Variants in PODXL2 observed in about 807,000 individuals in gnomAD.
The protein encoded by PODXL2 is podocalyxin-like protein 2.
A neutral mutation model predicts 53.4 loss-of-function variants in PODXL2; 17 were observed. The observed-to-expected ratio is 0.32, with a 90% CI of 0.22 to 0.48. The LOEUF is 0.48. Among genes scored for constraint, PODXL2 ranks in the 20% least tolerant of loss-of-function variants. The pLI, the probability that PODXL2 is intolerant of heterozygous loss-of-function variation, is 0.99. For synonymous variants in PODXL2, 311 were observed against 306.7 expected (o/e 1.01, Z -0.15); for missense variants, 673 against 760.0 (o/e 0.89, Z 1.35).
Position 127,651,876 on chromosome 3 carries a change from G to A in PODXL2, c.350-8502G>A, listed in dbSNP as rs541982870. ...AGAGGTGGGTGTGTGGCACACAGAGGCAAGTGGCCACCCAGAATTCCAGCC... is the reference window on the plus strand; with the variant it reads ...AGAGGTGGGTGTGTGGCACACAGAGACAAGTGGCCACCCAGAATTCCAGCC... On this transcript the variant is annotated intron_variant, in intron 2 of 7. Coordinates refer to ENST00000342480, the MANE Select transcript of PODXL2 (RefSeq NM_015720.4). 2.0e-5 allele frequency among the ~76,000 whole-genome samples: 3 copies of A among 152,342 alleles called. No individual in the cohort carries two copies. The East Asian group carries it at 5.8e-4, about 29-fold the overall frequency.
chr3:127,671,363 A>T, intron 6 of PODXL2, 71 bp from the exon 7 acceptor site: 1 of 1,471,872 alleles, frequency 6.8e-7, no homozygotes, highest in Non-Finnish European at 9.4e-7. Context: ...CCCGAGCCCA[A>T]TGCAACCACC....
intron 4 of PODXL2, among the ~76,000 whole-genome samples, chr3:127,663,329 G>A (rs986652002): frequency 6.6e-6 from 1 of 152,196 alleles, no homozygotes; most frequent in African/African-American, 2.4e-5. Context: ...TTGGCTTAGG[G>A]TTTGGCTCTT....
Position 127,672,309 on chromosome 3 carries a change from C to T in PODXL2, c.1647C>T (p.His549=), listed in dbSNP as rs1175303061. The change falls in exon 8 of 8, where the codon CAC becomes CAT. Residue 549 remains histidine (H), a synonymous_variant. Coordinates refer to ENST00000342480, the MANE Select transcript of PODXL2 (RefSeq NM_015720.4). ...EELRFVENGC[H]DNPTLDVASD... ...TGCGCTTCGTGGAGAACGGCTGCCA[C>T]GACAACCCCACGCTGGACGTGGCCA... is the stretch of plus-strand genomic sequence containing the variant. The T allele has an allele frequency of 1.3e-6, 2 of 1,549,102 alleles. 1 individual carries two copies.
At chr3:127,672,088 C>T (rs1451406371) in intron 7 of PODXL2, among the ~76,000 whole-genome samples, 180 bp from the exon 8 acceptor site, 3 of 152,226 alleles carry the variant, frequency 2.0e-5, no homozygotes, top group African/African-American at 4.8e-5. Flanking sequence ...CTTTGTAGTG[C>T]CAACGACTAG....
Position 127,670,550 on chromosome 3 carries a change from G to A in PODXL2, c.1426-884G>A, listed in dbSNP as rs538360189. 2.0e-5 allele frequency among the ~76,000 whole-genome samples: 3 copies of A among 152,334 alleles called. No homozygotes were observed. The East Asian group carries it at 5.8e-4, about 29-fold the overall frequency. ...TGCTGGGTCTTTGGAAATATACTCA[G>A]GTGAATCTAGCAAGAAAAACTGACC... is the stretch of plus-strand genomic sequence containing the variant. On this transcript the variant is annotated intron_variant, in intron 6 of 7. Coordinates refer to ENST00000342480, the MANE Select transcript of PODXL2 (RefSeq NM_015720.4).
Position 127,660,778 on chromosome 3 carries a change from A to C in PODXL2, c.750A>C (p.Pro250=). ...GCTTGCTGCTGCCTTCAGTCACCCC[A>C]ACTACAGTGACTCCGGGGGACCAGG... ...GPSLLLPSVT[P]TTVTPGDQDS... The change falls in exon 3 of 8, where the codon CCA becomes CCC. Residue 250 remains proline, a synonymous_variant. Transcript: ENST00000342480. The C allele has an allele frequency of 6.2e-7, 1 of 1,614,130 alleles. No individual in the cohort carries two copies. The highest frequency in any genetic ancestry group is 8.5e-7 in the Non-Finnish European group (1 of 1,179,982).
intron 1 of PODXL2, among the ~76,000 whole-genome samples, chr3:127,634,836 G>A (rs933075132): frequency 2.6e-5 from 4 of 152,212 alleles, no homozygotes; most frequent in Non-Finnish European, 4.4e-5. Flanking sequence ...CAGAAGACTC[G>A]GGTGACTCAC....
At chr3:127,646,940 G>C (rs1032283991) in intron 2 of PODXL2, among the ~76,000 whole-genome samples, 1 of 152,162 alleles carries the variant, frequency 6.6e-6, no homozygotes, top group Non-Finnish European at 1.5e-5. Flanking sequence ...AGTCCATTCT[G>C]TCACTAGGAC....
intron 2 of PODXL2, among the ~76,000 whole-genome samples, chr3:127,653,232 C>T (rs2074700322): frequency 6.6e-6 from 1 of 152,204 alleles, no homozygotes; most frequent in Non-Finnish European, 1.5e-5. Flanking sequence ...TGCTTCAGGG[C>T]GGTGTGGCTC....
Position 127,639,225 on chromosome 3 carries a change from T to G in PODXL2, c.71-20T>G, listed in dbSNP as rs2074597920. ...TCTTCTCTAGCCTCCCCTGACTGTC[T>G]GGCTTTTATGTCTGCACAGGAGCGT... On this transcript the variant is annotated intron_variant, in intron 1 of 7. Transcript: ENST00000342480. The G allele has an allele frequency of 6.4e-7, 1 of 1,565,272 alleles. No individual in the cohort carries two copies. The highest frequency in any genetic ancestry group is 8.6e-7 in the Non-Finnish European group (1 of 1,158,002).
At chr3:127,638,483 G>A (rs570444656) in intron 1 of PODXL2, among the ~76,000 whole-genome samples, 1 of 152,308 alleles carries the variant, frequency 6.6e-6, no homozygotes, top group East Asian at 1.9e-4. Context: ...GGGAGGCCTA[G>A]GAGGGCAGAT....
In PODXL2 at chr3:127,644,590, C is replaced by A. The variant is rs540394974; in HGVS notation, c.349+5067C>A. On this transcript the variant is annotated intron_variant, in intron 2 of 7. Transcript: ENST00000342480. ...ATGAGCTCGATTTGTTGTCCTCCCC[C>A]CTCCCCAGGGGATTCGTTTCCCTTT... Among the ~76,000 whole-genome samples, 79 of 152,322 alleles carry A rather than the reference C, an allele frequency of 5.2e-4. No homozygotes were observed. The South Asian group carries it at 0.016, about 31-fold the overall frequency.
chr3:127,645,846 A>G (rs2074654641), intron 2 of PODXL2, among the ~76,000 whole-genome samples: 1 of 152,170 alleles, frequency 6.6e-6, no homozygotes, highest in African/African-American at 2.4e-5. Flanking sequence ...CCGGAGCCAC[A>G]GGCTTCTGTC....
intron 2 of PODXL2, among the ~76,000 whole-genome samples, chr3:127,641,158 C>T (rs531718064): frequency 3.3e-5 from 5 of 152,108 alleles, no homozygotes; most frequent in Non-Finnish European, 5.9e-5. Flanking sequence ...GTGATCTGCC[C>T]GTCTCGGCCT....
At chr3:127,643,657 G>A (rs1282029876) in intron 2 of PODXL2, among the ~76,000 whole-genome samples, 7 of 147,618 alleles carry the variant, frequency 4.7e-5, no homozygotes, top group Non-Finnish European at 7.4e-5. Flanking sequence ...TTATTTTTTG[G>A]ACACAGGGTC....
At chr3:127,649,483 A>G (rs2074675773) in intron 2 of PODXL2, among the ~76,000 whole-genome samples, 1 of 152,256 alleles carries the variant, frequency 6.6e-6, no homozygotes, top group Non-Finnish European at 1.5e-5. Flanking sequence ...GTAGCTCTCC[A>G]GAAATGTGGC....
rs1009349740 is a variant in PODXL2, at chr3:127,629,717, T to C, written c.70+428T>C. Among the ~76,000 whole-genome samples the C allele has an allele frequency of 4.0e-5, 6 of 151,812 alleles. No homozygotes were observed. The highest frequency in any genetic ancestry group is 7.4e-5 in the Non-Finnish European group (5 of 67,928). On this transcript the variant is annotated intron_variant, in intron 1 of 7. Transcript: ENST00000342480. This position sits in a 1 kb window ranked among gnomAD's most constrained non-coding sequence, Gnocchi z 6.4. ...ACAGCCACGCGGGGAGGAGGCCGCA[T>C]TGTGAAGGTCCCAGGGGCCGCCTGC...
chr3:127,660,449 A>G lies in PODXL2; in HGVS notation c.421A>G (p.Asn141Asp), dbSNP rs145087096. Residue 141 changes from asparagine to aspartate, a missense_variant, in exon 3 of 8, where the codon AAC (asparagine) becomes GAC (aspartate). By Grantham distance (23) the Asn-to-Asp change is conservative. Transcript: ENST00000342480. ...EDTSQAQELP[N>D]LPSPLPKMNL... The stretch of plus-strand genomic sequence containing the variant: ...CACCAGCCAGGCTCAAGAGCTGCCA[A>G]ACCTCCCCTCTCCCTTGCCCAAGAT... The G allele has an allele frequency of 3.3e-5, 53 of 1,614,030 alleles. No individual in the cohort carries two copies. The highest frequency in any genetic ancestry group is 4.5e-5 in the Non-Finnish European group (53 of 1,180,026).
Position 127,629,242 on chromosome 3 carries a change from C to A in PODXL2, c.23C>A (p.Ala8Asp). The change falls in exon 1 of 8, where the codon GCC becomes GAC. Residue 8 changes from alanine to aspartate, a missense_variant. Ala to Asp is a moderately radical substitution (Grantham distance 126, BLOSUM62 -2). This residue lies in a region of PODXL2 where 588 missense variants were observed against 668.3 expected (regional missense o/e 0.88). Transcript: ENST00000342480. This position sits in a 1 kb window ranked among gnomAD's most constrained non-coding sequence, Gnocchi z 6.4. ...ACCATGGGCCGGCTGCTGCGGGCCG[C>A]CCGGCTGCCGCCGCTGCTTTCGCCG... MGRLLRA[A>D]RLPPLLSPLL... The A allele has an allele frequency of 1.0e-6, 1 of 1,002,986 alleles. No homozygotes were observed. The highest frequency in any genetic ancestry group is 1.2e-6 in the Non-Finnish European group (1 of 841,844). The allele number at this position is 1,002,986 out of a possible 1,614,324, so 62.1% of individuals were successfully genotyped here.
Sources: allele counts gnomAD v4.1 joint callset (sites outside exome capture counted in the v4.1 genomes callset), GRCh38; gene constraint gnomAD v4.1.1; regional missense constraint gnomAD v4.1.1; non-coding constraint Gnocchi (gnomAD v3.1); transcripts MANE v1.5; gene names NCBI Gene and HGNC (gene_info 2026-07-23, HGNC 2026-07-21).